IL1RAPL1: variants seen among roughly 807,000 people sequenced by gnomAD.
IL1RAPL1 encodes interleukin 1 receptor accessory protein like 1.
In IL1RAPL1, 3 loss-of-function variants were observed where a neutral mutation model predicts 48.4. The ratio of observed to expected loss-of-function variants is 0.06; its 90% CI spans 0.03 to 0.16. IL1RAPL1 has a LOEUF of 0.16. Among genes scored for constraint, IL1RAPL1 ranks in the 10% least tolerant of loss-of-function variants. IL1RAPL1 has a pLI of 1.00. For missense variants in IL1RAPL1, 349 were observed against 530.6 expected (o/e 0.66, Z 3.36); for synonymous variants, 185 against 187.7 (o/e 0.99, Z 0.12).
At chrX:29,773,574 T>A (rs1464876845) in intron 6 of IL1RAPL1, among the ~76,000 whole-genome samples, 1 of 112,626 alleles carries the variant, frequency 8.9e-6, no homozygotes, top group Non-Finnish European at 1.9e-5. Flanking sequence ...CTTGTTAAAT[T>A]GTCTCTCATT....
chrX:29,048,191 T>G (rs764551649), intron 2 of IL1RAPL1, among the ~76,000 whole-genome samples: 13 of 112,209 alleles, frequency 1.2e-4, no homozygotes, highest in Non-Finnish European at 2.3e-4. Context: ...GAATGAATTA[T>G]GTATGTAATG....
At chrX:28,992,515 A>G (rs939366703) in intron 2 of IL1RAPL1, among the ~76,000 whole-genome samples, 21 of 109,292 alleles carry the variant, frequency 1.9e-4, no homozygotes, top group Middle Eastern at 4.7e-3. Context: ...AAAAAAAAAA[A>G]AAGAAGAAAA....
intron 9 of IL1RAPL1, among the ~76,000 whole-genome samples, chrX:29,948,120 A>T (rs555112017): frequency 9.0e-6 from 1 of 111,312 alleles, no homozygotes; most frequent in Non-Finnish European, 1.9e-5. Flanking sequence ...CATCTTCAGG[A>T]AGGTGCTATT....
chrX:29,621,151 G>T (rs1924448152), intron 5 of IL1RAPL1, among the ~76,000 whole-genome samples: 1 of 111,712 alleles, frequency 9.0e-6, no homozygotes, highest in Non-Finnish European at 1.9e-5. Flanking sequence ...TGTACTTCAA[G>T]TGGTTACAAC....
intron 3 of IL1RAPL1, among the ~76,000 whole-genome samples, chrX:29,354,643 A>C (rs1395395687): frequency 8.9e-6 from 1 of 112,278 alleles, no homozygotes; most frequent in African/African-American, 3.2e-5. Context: ...AGCCCAGGAA[A>C]AGATCAAAAT....
In IL1RAPL1 at chrX:28,781,862, C is replaced by T. The variant is rs142347472; in HGVS notation, c.-24-7458C>T. ...ATATTCACTCCCATCATCAGATTAT[C>T]AGCATACTTGTTTTACTATATCCAT... On this transcript the variant is annotated intron_variant, in intron 1 of 10. Transcript: ENST00000378993. Among the ~76,000 whole-genome samples, 918 of 111,565 alleles carry T rather than the reference C, an allele frequency of 8.2e-3. 10 individuals carry two copies. The highest frequency in any genetic ancestry group is 0.014 in the Non-Finnish European group (741 of 52,975).
chrX:29,328,248 C>A (rs754431671), intron 3 of IL1RAPL1, among the ~76,000 whole-genome samples: 59 of 111,499 alleles, frequency 5.3e-4, no homozygotes, highest in Non-Finnish European at 9.0e-4. Flanking sequence ...ATTATTTTAG[C>A]TCTATTGAAA....
At chrX:29,833,323 T>C (rs1930924509) in intron 6 of IL1RAPL1, among the ~76,000 whole-genome samples, 2 of 111,602 alleles carry the variant, frequency 1.8e-5, no homozygotes, top group African/African-American at 6.5e-5. Context: ...GTGGCTGTCA[T>C]ATAATATAAA....
chrX:29,862,742 T>G (rs1931614017), intron 6 of IL1RAPL1, among the ~76,000 whole-genome samples: 1 of 110,705 alleles, frequency 9.0e-6, no homozygotes, highest in African/African-American at 3.3e-5. Flanking sequence ...ATAGAGCATG[T>G]TCAAAACAAT....
intron 3 of IL1RAPL1, among the ~76,000 whole-genome samples, chrX:29,356,646 A>C (rs1212405575): frequency 9.0e-6 from 1 of 110,737 alleles, no homozygotes; most frequent in East Asian, 2.8e-4. Flanking sequence ...CATCTACTAC[A>C]TTTGACCCTA....
At chrX:28,788,664 T>C (rs1936499056) in intron 1 of IL1RAPL1, among the ~76,000 whole-genome samples, 1 of 107,087 alleles carries the variant, frequency 9.3e-6, no homozygotes, top group Non-Finnish European at 1.9e-5. Context: ...ATGGGGGTTT[T>C]GCCATGTTGC....
At chrX:29,356,671 A>G (rs1933308682) in intron 3 of IL1RAPL1, among the ~76,000 whole-genome samples, 1 of 111,010 alleles carries the variant, frequency 9.0e-6, no homozygotes, top group Admixed American at 9.6e-5. Flanking sequence ...CTCTCCCAAT[A>G]TGGATAACCA....
intron 6 of IL1RAPL1, among the ~76,000 whole-genome samples, chrX:29,838,772 CTTTA>C (rs1458781077): frequency 8.9e-6 from 1 of 111,923 alleles, no homozygotes; most frequent in Non-Finnish European, 1.9e-5. Context: ...AACACTAACC[CTTTA>C]TTTAGATTAT....
chrX:28,607,058 A>G (rs1934091931), intron 1 of IL1RAPL1, among the ~76,000 whole-genome samples: 1 of 110,061 alleles, frequency 9.1e-6, no homozygotes, highest in Non-Finnish European at 1.9e-5. Flanking sequence ...AACAAAAAGT[A>G]TTATTTCTGA....
At chrX:29,545,187 CTA>C (rs1402822439) in intron 5 of IL1RAPL1, among the ~76,000 whole-genome samples, 6 of 19,763 alleles carry the variant, frequency 3.0e-4, no homozygotes, top group Non-Finnish European at 5.3e-4. Flanking sequence ...TCCTATCTAT[CTA>C]TCTATCTATC....
intron 6 of IL1RAPL1, among the ~76,000 whole-genome samples, chrX:29,747,915 C>T (rs1928371563): frequency 8.9e-6 from 1 of 112,054 alleles, no homozygotes; most frequent in African/African-American, 3.2e-5. Flanking sequence ...GCTAGTACTA[C>T]AGAGCTTGTT....
intron 5 of IL1RAPL1, among the ~76,000 whole-genome samples, chrX:29,455,127 C>A (rs1934724183): frequency 9.0e-6 from 1 of 110,947 alleles, no homozygotes; most frequent in Non-Finnish European, 1.9e-5. Flanking sequence ...GGGCTTAATA[C>A]CTAGGTGATC....
intron 2 of IL1RAPL1, among the ~76,000 whole-genome samples, chrX:28,987,872 T>A (rs1354259651): frequency 8.9e-6 from 1 of 112,199 alleles, no homozygotes; most frequent in Non-Finnish European, 1.9e-5. Flanking sequence ...GTTCTGTGTC[T>A]ATTTGGCTCA....
At chrX:29,769,194 A>C (rs1928987286) in intron 6 of IL1RAPL1, among the ~76,000 whole-genome samples, 1 of 111,258 alleles carries the variant, frequency 9.0e-6, no homozygotes, top group Admixed American at 9.6e-5. Context: ...GCCACATTGT[A>C]GGAATTATTT....
Sources: gnomAD v4.1 joint callset for allele counts (sites outside exome capture counted in the v4.1 genomes callset) on GRCh38, gnomAD v4.1.1 for gene constraint, MANE v1.5 for transcripts, NCBI Gene and HGNC (gene_info 2026-07-23, HGNC 2026-07-21) for gene names.